The following VTI1B variants were observed in gnomAD, a reference collection of about 807,000 sequenced individuals.
VTI1B encodes the protein vesicle transport through interaction with t-SNAREs homolog 1B.
A neutral mutation model predicts 28.6 loss-of-function variants in VTI1B; 18 were observed. The observed-to-expected ratio is 0.63, with a 90% CI of 0.43 to 0.93. VTI1B has a LOEUF of 0.93. VTI1B is among the 40% of genes least tolerant of loss of function. The probability of loss-of-function intolerance (pLI) is 0.00; values close to 1 mark genes in which losing one functional copy is unlikely to be tolerated. For missense variants in VTI1B, 283 were observed against 297.0 expected (o/e 0.95, Z 0.35); for synonymous variants, 100 against 107.9 (o/e 0.93, Z 0.46).
Position 67,665,670 on chromosome 14 carries a change from A to G in VTI1B, c.116-3135T>C, listed in dbSNP as rs374438308. Among the ~76,000 whole-genome samples the G allele has an allele frequency of 3.1e-4, 47 of 152,232 alleles. 1 individual carries two copies. Among genetic ancestry groups the G allele is most frequent in the African/African-American group, 1.1e-3 (45 of 41,524 alleles). ...CTGAAACATGGAAATTTATTTTGTC[A>G]TTTTTACTGTGCCATAGATCCTAGA... On this transcript the variant is annotated intron_variant, in intron 1 of 5. Transcript: ENST00000554659.
At position 67,657,595 on chromosome 14, in the gene VTI1B, C is replaced by T. The variant is rs559082610; in HGVS notation, c.367-1006G>A. Reference sequence around the variant, plus strand: ...CTTAGCTGTTCAAAGCACGCGCGCGCGTGCACACACACACACACACACACA... The same window carrying T: ...CTTAGCTGTTCAAAGCACGCGCGCGTGTGCACACACACACACACACACACA... On this transcript the variant is annotated intron_variant, in intron 3 of 5. Coordinates refer to ENST00000554659, the MANE Select transcript of VTI1B (RefSeq NM_006370.3). 2.4e-3 allele frequency among the ~76,000 whole-genome samples: 334 copies of T among 138,400 alleles called. 1 individual carries two copies. Among genetic ancestry groups the T allele is most frequent in the African/African-American group, 9.3e-3 (318 of 34,174 alleles). 90.8% of individuals were successfully genotyped at this position (138,400 alleles called of 152,430 possible).
At chr14:67,670,455 T>G (rs1168615107) in intron 1 of VTI1B, among the ~76,000 whole-genome samples, 1 of 152,208 alleles carries the variant, frequency 6.6e-6, no homozygotes, top group Non-Finnish European at 1.5e-5. Flanking sequence ...ATATTCAGTT[T>G]GAAGTTTTTT....
At chr14:67,658,554 G>A (rs1380992518) in intron 3 of VTI1B, among the ~76,000 whole-genome samples, 5 of 152,126 alleles carry the variant, frequency 3.3e-5, no homozygotes, top group South Asian at 4.1e-4. Context: ...CCGAGATTGC[G>A]CCACTGCACT....
At chr14:67,659,471 G>GTTTT (rs554341608) in intron 3 of VTI1B, among the ~76,000 whole-genome samples, 3 of 148,010 alleles carry the variant, frequency 2.0e-5, no homozygotes, top group Non-Finnish European at 4.5e-5. Context: ...ACAAAGCACT[G>GTTTT]TTTTTTTTTT....
intron 1 of VTI1B, among the ~76,000 whole-genome samples, chr14:67,671,969 AT>A (rs1436988283): frequency 2.0e-5 from 3 of 152,258 alleles, no homozygotes; most frequent in Non-Finnish European, 2.9e-5. Context: ...TAGCAAATAA[AT>A]GTCAACATAA....
rs1291093153 is a variant in VTI1B, at chr14:67,659,954, C to T, written c.175-32G>A. On this transcript the variant is annotated intron_variant, in intron 2 of 5. Coordinates refer to ENST00000554659, the MANE Select transcript of VTI1B (RefSeq NM_006370.3). ...AGGCAGAAAGTAGTGAGCAGATAGC[C>T]TGGTTCTTCCCTCACTCATTTGGAA... The T allele has an allele frequency of 3.1e-6, 5 of 1,596,206 alleles. No homozygotes were observed. In the South Asian group the frequency reaches 4.5e-5, roughly 14 times the overall value.
rs762857205 is a variant in VTI1B, at chr14:67,674,380, C to A, written c.110G>T (p.Gly37Val). 4 of 1,595,112 alleles carry A rather than the reference C, an allele frequency of 2.5e-6. No homozygotes were observed. The highest frequency in any genetic ancestry group is 3.4e-6 in the Non-Finnish European group (4 of 1,172,772). The change falls in exon 1 of 6, where the codon GGG (glycine) becomes GTG (valine). Residue 37 changes from glycine (G) to valine (V), a missense_variant. By Grantham distance (109) the Gly-to-Val change is moderately radical. Coordinates refer to ENST00000554659, the MANE Select transcript of VTI1B (RefSeq NM_006370.3). ...GVPERLLGTA[G>V]TEEKKKLIRD... is the part of the protein sequence containing the mutation. The stretch of plus-strand genomic sequence containing the variant: ...GTGGCCCACCCCCGCCTCACCGGTC[C>A]CCGCCGTCCCCAGCAGCCGCTCGGG...
chr14:67,651,626 G>C, intron 5 of VTI1B, 145 bp from the exon 6 acceptor site: 1 of 849,292 alleles, frequency 1.2e-6, no homozygotes, highest in Non-Finnish European at 1.8e-6. Context: ...GTACTCATAA[G>C]GTTCTTTAGC....
chr14:67,657,968 C>T (rs534383655), intron 3 of VTI1B, among the ~76,000 whole-genome samples: 9 of 152,074 alleles, frequency 5.9e-5, no homozygotes, highest in Admixed American at 3.3e-4. Flanking sequence ...AGGCTGGTCT[C>T]GAACTCCTGA....
At chr14:67,658,708 C>A (rs1341857816) in intron 3 of VTI1B, among the ~76,000 whole-genome samples, 1 of 152,252 alleles carries the variant, frequency 6.6e-6, no homozygotes, top group Non-Finnish European at 1.5e-5. Context: ...CCCACTTTAA[C>A]CAGCTCCACC....
chr14:67,667,817 G>A (rs1310106885), intron 1 of VTI1B, among the ~76,000 whole-genome samples: 3 of 152,084 alleles, frequency 2.0e-5, no homozygotes, highest in African/African-American at 4.8e-5. Flanking sequence ...GGTGGTGGGC[G>A]CCTGTAGTCC....
chr14:67,672,966 G>C (rs2037487324), intron 1 of VTI1B, among the ~76,000 whole-genome samples: 1 of 152,176 alleles, frequency 6.6e-6, no homozygotes, highest in Non-Finnish European at 1.5e-5. Context: ...TCTGCTTAAA[G>C]GCATTTGCAG....
At chr14:67,666,561 T>C (rs2037404419) in intron 1 of VTI1B, among the ~76,000 whole-genome samples, 9 of 152,250 alleles carry the variant, frequency 5.9e-5, no homozygotes, top group Admixed American at 5.9e-4. Context: ...GGGAGGCAGA[T>C]AATTCAAGAG....
rs2037171027 is a variant in VTI1B at position 67,651,205 on chromosome 14, C to T, written c.*180G>A. 1 of 1,230,998 alleles carries T rather than the reference C, an allele frequency of 8.1e-7. No homozygotes were observed. The highest frequency in any genetic ancestry group is 2.7e-5 in the Admixed American group (1 of 37,290). The allele number at this position is 1,230,998 out of a possible 1,614,324, so 76.3% of individuals were successfully genotyped here. A position where few individuals can be genotyped will look rare whatever the true frequency, so the allele number is the denominator to read the frequency against. ...TTGGTATATCATACTGGTCTTGTTG[C>T]TGTTGTTCCTTCACATTTAAGTGGT... is the stretch of plus-strand genomic sequence containing the variant. On this transcript the variant is annotated 3_prime_UTR_variant, in exon 6 of 6. Transcript: ENST00000554659.
At chr14:67,660,511 T>C (rs977070234) in intron 2 of VTI1B, among the ~76,000 whole-genome samples, 2 of 152,230 alleles carry the variant, frequency 1.3e-5, no homozygotes, top group Admixed American at 6.5e-5. Flanking sequence ...TGATTGAACA[T>C]TGCCATCAAG....
chr14:67,671,950 C>A (rs1366231409), intron 1 of VTI1B, among the ~76,000 whole-genome samples: 1 of 152,092 alleles, frequency 6.6e-6, no homozygotes, highest in South Asian at 2.1e-4. Context: ...CCTCTTAATG[C>A]GATTAAAATA....
At chr14:67,668,665 A>AC (rs2037431118) in intron 1 of VTI1B, among the ~76,000 whole-genome samples, 1 of 151,886 alleles carries the variant, frequency 6.6e-6, no homozygotes, top group Non-Finnish European at 1.5e-5. Flanking sequence ...CACAGTGAAA[A>AC]AAAGACAACA....
At chr14:67,660,689 G>A (rs1353962579) in intron 2 of VTI1B, among the ~76,000 whole-genome samples, 3 of 152,154 alleles carry the variant, frequency 2.0e-5, no homozygotes, top group Admixed American at 2.0e-4. Flanking sequence ...CCATTTTTCT[G>A]GGGTAAGTAA....
intron 3 of VTI1B, chr14:67,657,110 C>T (rs1226817471): frequency 1.3e-5 from 2 of 152,292 alleles, no homozygotes; most frequent in Non-Finnish European, 2.9e-5. Context: ...TTTAAGCCTC[C>T]AGCACCTGGT....
Sources: allele counts gnomAD v4.1 joint callset (sites outside exome capture counted in the v4.1 genomes callset), GRCh38; gene constraint gnomAD v4.1.1; transcripts MANE v1.5; gene names NCBI Gene and HGNC (gene_info 2026-07-23, HGNC 2026-07-21).